Variants in POU6F2 observed in about 807,000 individuals in gnomAD.
POU6F2 encodes the protein POU domain, class 6, transcription factor 2.
POU6F2 carries 31 observed loss-of-function variants against 71.3 expected under a neutral mutation model. The ratio of observed to expected loss-of-function variants is 0.43; its 90% CI spans 0.33 to 0.59. The LOEUF is 0.59. POU6F2 is among the 20% of genes least tolerant of loss of function. POU6F2 has a pLI of 0.04. For missense variants in POU6F2, 783 were observed against 856.8 expected (o/e 0.91, Z 1.07); for synonymous variants, 347 against 355.7 (o/e 0.98, Z 0.27).
At chr7:39,334,498 T>C (rs1051323679) in intron 4 of POU6F2, among the ~76,000 whole-genome samples, 1 of 151,596 alleles carries the variant, frequency 6.6e-6, no homozygotes, top group Non-Finnish European at 1.5e-5. Context: ...CTCCTGAATC[T>C]AAAATTTGAA....
intron 5 of POU6F2, among the ~76,000 whole-genome samples, chr7:39,345,957 C>T (rs950240280): frequency 6.6e-6 from 1 of 152,160 alleles, no homozygotes; most frequent in African/African-American, 2.4e-5. Flanking sequence ...ATTCATGATT[C>T]ACTCATTCAG....
intron 2 of POU6F2, among the ~76,000 whole-genome samples, chr7:39,149,596 G>A (rs1163598251): frequency 6.6e-6 from 1 of 152,080 alleles, no homozygotes; most frequent in African/African-American, 2.4e-5. Flanking sequence ...TAGTCCTCAC[G>A]TTGTACATCA....
intron 1 of POU6F2, among the ~76,000 whole-genome samples, chr7:39,044,780 C>G (rs1486457890): frequency 6.6e-6 from 1 of 151,802 alleles, no homozygotes; most frequent in Non-Finnish European, 1.5e-5. Flanking sequence ...TTCAAGTTAG[C>G]ATGCAGAAAG....
chr7:39,382,491 G>A (rs1786850277), intron 5 of POU6F2, among the ~76,000 whole-genome samples: 1 of 152,182 alleles, frequency 6.6e-6, no homozygotes, highest in Non-Finnish European at 1.5e-5. Flanking sequence ...CCCCACCCCA[G>A]CCACGGATCT....
intron 1 of POU6F2, among the ~76,000 whole-genome samples, chr7:38,999,308 AT>A (rs1788832158): frequency 6.6e-6 from 1 of 152,124 alleles, no homozygotes; most frequent in African/African-American, 2.4e-5. Flanking sequence ...CTGTAGCACA[AT>A]TCTTTACACA....
chr7:39,271,659 G>T (rs547057476), intron 4 of POU6F2, among the ~76,000 whole-genome samples: 1 of 152,094 alleles, frequency 6.6e-6, no homozygotes, highest in Non-Finnish European at 1.5e-5. Flanking sequence ...CAAAATTCCC[G>T]TCTCGTGGCT....
intron 6 of POU6F2, among the ~76,000 whole-genome samples, chr7:39,430,566 TC>T (rs1788076669): frequency 6.6e-6 from 1 of 152,222 alleles, no homozygotes; most frequent in Non-Finnish European, 1.5e-5. Context: ...CATTTGCCTT[TC>T]TTCTTTCCAC....
At chr7:39,151,911 G>A (rs990211770) in intron 2 of POU6F2, among the ~76,000 whole-genome samples, 5 of 152,138 alleles carry the variant, frequency 3.3e-5, no homozygotes, top group African/African-American at 1.2e-4. Context: ...CAAAATGTCT[G>A]TATTTTTTCT....
chr7:39,380,807 G>A (rs781506267), intron 5 of POU6F2, among the ~76,000 whole-genome samples: 3 of 152,164 alleles, frequency 2.0e-5, no homozygotes, highest in Non-Finnish European at 2.9e-5. Context: ...TGACTTCGCT[G>A]AGACAAGTTT....
chr7:39,444,766 G>T (rs1788484737), intron 7 of POU6F2, among the ~76,000 whole-genome samples: 1 of 152,170 alleles, frequency 6.6e-6, no homozygotes, highest in Non-Finnish European at 1.5e-5. Context: ...CTCTTCAGAG[G>T]CCCTGTTTTC....
intron 2 of POU6F2, among the ~76,000 whole-genome samples, chr7:39,090,262 A>G (rs1791337300): frequency 6.6e-6 from 1 of 152,040 alleles, no homozygotes; most frequent in Non-Finnish European, 1.5e-5. Flanking sequence ...GATCTTTCTC[A>G]CAGAAACATG....
At chr7:39,000,475 G>A (rs528018567) in intron 1 of POU6F2, among the ~76,000 whole-genome samples, 1 of 151,520 alleles carries the variant, frequency 6.6e-6, no homozygotes, top group South Asian at 2.1e-4. Context: ...TCTGCTAAAT[G>A]TTCTCTTCAT....
chr7:39,272,415 C>T (rs1784357093), intron 4 of POU6F2, among the ~76,000 whole-genome samples: 1 of 152,114 alleles, frequency 6.6e-6, no homozygotes, highest in African/African-American at 2.4e-5. Flanking sequence ...CCAGGAAGCC[C>T]CTGGAGACCA....
At chr7:39,251,721 C>A (rs370928643) in intron 4 of POU6F2, among the ~76,000 whole-genome samples, 8 of 152,260 alleles carry the variant, frequency 5.3e-5, no homozygotes, top group Non-Finnish European at 7.4e-5. Flanking sequence ...ACTGTAGCAT[C>A]CTGGGAGATG....
At chr7:39,131,296 A>G (rs1027260749) in intron 2 of POU6F2, among the ~76,000 whole-genome samples, 1 of 152,162 alleles carries the variant, frequency 6.6e-6, no homozygotes, top group Middle Eastern at 3.2e-3. Flanking sequence ...CTGGAGTGAA[A>G]AATTCCATCC....
rs138862424 is a variant in POU6F2 at position 39,006,042 on chromosome 7, G to T, written c.105+27984G>T. 1.6e-3 allele frequency among the ~76,000 whole-genome samples: 237 copies of T among 152,304 alleles called. 1 individual carries two copies. The highest frequency in any genetic ancestry group is 5.3e-3 in the African/African-American group (219 of 41,572). Reference sequence around the variant, plus strand: ...AAGAAAAGGAATGCTGTGCCAGCATGTATGTGGTGTATTGTGGTATTGGGG... The same window carrying T: ...AAGAAAAGGAATGCTGTGCCAGCATTTATGTGGTGTATTGTGGTATTGGGG... On this transcript the variant is annotated intron_variant, in intron 1 of 9. Transcript: ENST00000518318.
intron 5 of POU6F2, among the ~76,000 whole-genome samples, chr7:39,391,107 A>ACC (rs1787067800): frequency 6.6e-6 from 1 of 152,178 alleles, no homozygotes; most frequent in South Asian, 2.1e-4. Context: ...TTATTCTTAA[A>ACC]ACATTATGAA....
At chr7:39,195,820 C>A (rs964257898) in intron 2 of POU6F2, among the ~76,000 whole-genome samples, 5 of 152,094 alleles carry the variant, frequency 3.3e-5, no homozygotes, top group Admixed American at 3.3e-4. Context: ...CGTTCTCTAG[C>A]CTTGCCATTT....
intron 4 of POU6F2, among the ~76,000 whole-genome samples, chr7:39,227,361 T>A (rs184918229): frequency 6.6e-6 from 1 of 152,244 alleles, no homozygotes; most frequent in Admixed American, 6.5e-5. Context: ...GCTAGTCATT[T>A]CAGGAAGTTA....
Sources: gnomAD v4.1 joint callset for allele counts (sites outside exome capture counted in the v4.1 genomes callset) on GRCh38, gnomAD v4.1.1 for gene constraint, MANE v1.5 for transcripts, NCBI Gene and HGNC (gene_info 2026-07-23, HGNC 2026-07-21) for gene names.